AKAP6: variants seen among roughly 807,000 people sequenced by gnomAD.
AKAP6 encodes A-kinase anchor protein 6.
Under a neutral mutation model 188.5 loss-of-function variants are expected in AKAP6, and 58 were observed. The ratio of observed to expected loss-of-function variants is 0.31; its 90% CI spans 0.25 to 0.38. AKAP6 has a LOEUF of 0.38. AKAP6 is among the 10% of genes least tolerant of loss of function. AKAP6 has a pLI of 1.00. For missense variants in AKAP6, 2,710 were observed against 2,740.0 expected, an observed-to-expected ratio of 0.99 and a Z score of 0.24; for synonymous variants, 989 against 998.6, an observed-to-expected ratio of 0.99 and a Z score of 0.18.
intron 7 of AKAP6, among the ~76,000 whole-genome samples, chr14:32,608,086 T>C (rs1886197038): frequency 6.6e-6 from 1 of 152,178 alleles, no homozygotes; most frequent in Admixed American, 6.6e-5. Flanking sequence ...GATGTATGGG[T>C]GGATCTAAGA....
chr14:32,601,842 C>T (rs1364654861), intron 7 of AKAP6, among the ~76,000 whole-genome samples: 5 of 152,190 alleles, frequency 3.3e-5, no homozygotes, highest in Non-Finnish European at 7.3e-5. Context: ...ACCCATCCAG[C>T]CCTGCAATGT....
chr14:32,727,161 A>G (rs1404357536), intron 9 of AKAP6, among the ~76,000 whole-genome samples: 1 of 152,330 alleles, frequency 6.6e-6, no homozygotes, highest in East Asian at 1.9e-4. Flanking sequence ...AACTTACTAA[A>G]TTTTACCTAT....
intron 3 of AKAP6, among the ~76,000 whole-genome samples, chr14:32,541,250 C>G (rs536695455): frequency 2.0e-5 from 3 of 151,840 alleles, no homozygotes; most frequent in African/African-American, 7.2e-5. Context: ...CTTTTCTAAA[C>G]CAGGAACTGG....
In AKAP6 at chr14:32,398,780, TTCTCTCTCTCTC is replaced by T. The variant is rs55959454; in HGVS notation, c.-34-34667_-34-34656del. Among the ~76,000 whole-genome samples, 7 of 131,292 alleles carry T rather than the reference TTCTCTCTCTCTC, an allele frequency of 5.3e-5. No homozygotes were observed. The South Asian group carries it at 7.8e-4, about 15-fold the overall frequency. 86.1% of individuals were successfully genotyped at this position (131,292 alleles called of 152,430 possible). A position where few individuals can be genotyped will look rare whatever the true frequency, so the allele number is the denominator to read the frequency against. On this transcript the variant is annotated intron_variant, in intron 1 of 13. Transcript: ENST00000280979. Reference sequence around the variant, plus strand: ...TGTTTGCCCTTTTCTTTCTTTTCTTTTCTCTCTCTCTCTCTCTCTCTCTCCCCCTCCCCCTCT... The same window carrying T: ...TGTTTGCCCTTTTCTTTCTTTTCTTTTCTCTCTCTCTCCCCCTCCCCCTCT...
chr14:32,440,297 A>C (rs138255200), intron 2 of AKAP6, among the ~76,000 whole-genome samples: 1 of 132,448 alleles, frequency 7.6e-6, no homozygotes, highest in African/African-American at 2.9e-5. Context: ...ACTTGGACAC[A>C]GGGTGGGGAA....
intron 8 of AKAP6, among the ~76,000 whole-genome samples, chr14:32,685,230 C>T (rs976858571): frequency 1.3e-5 from 2 of 151,868 alleles, no homozygotes; most frequent in African/African-American, 4.8e-5. Flanking sequence ...TGCCACTGCA[C>T]TCCAACCTGG....
chr14:32,814,662 G>A (rs546856717), intron 12 of AKAP6, among the ~76,000 whole-genome samples: 13 of 152,170 alleles, frequency 8.5e-5, no homozygotes, highest in Non-Finnish European at 1.9e-4. Context: ...CCCTTCAACA[G>A]TTCTTGAGAC....
At chr14:32,723,310 G>A (rs1375921646) in intron 9 of AKAP6, among the ~76,000 whole-genome samples, 1 of 152,142 alleles carries the variant, frequency 6.6e-6, no homozygotes, top group Non-Finnish European at 1.5e-5. Flanking sequence ...GTAGTGGGGT[G>A]AAATGGGGTG....
At chr14:32,552,562 G>C (rs1883523550) in intron 4 of AKAP6, among the ~76,000 whole-genome samples, 1 of 152,168 alleles carries the variant, frequency 6.6e-6, no homozygotes, top group Non-Finnish European at 1.5e-5. Flanking sequence ...CTTTAGATTT[G>C]TTTGAAATAA....
At chr14:32,806,132 G>A (rs1379752058) in intron 12 of AKAP6, among the ~76,000 whole-genome samples, 1 of 152,186 alleles carries the variant, frequency 6.6e-6, no homozygotes, top group Non-Finnish European at 1.5e-5. Context: ...TACCATTTGA[G>A]TGCCTGCCAT....
At chr14:32,618,609 A>G (rs1025745837) in intron 7 of AKAP6, among the ~76,000 whole-genome samples, 1 of 152,168 alleles carries the variant, frequency 6.6e-6, no homozygotes, top group Non-Finnish European at 1.5e-5. Flanking sequence ...ATGGGTACTT[A>G]GGTTGGTTCC....
intron 8 of AKAP6, among the ~76,000 whole-genome samples, chr14:32,695,356 G>C (rs894509146): frequency 6.6e-6 from 1 of 152,092 alleles, no homozygotes; most frequent in Non-Finnish European, 1.5e-5. Context: ...ATAAATGTAG[G>C]ATATATGTTT....
intron 4 of AKAP6, among the ~76,000 whole-genome samples, chr14:32,558,071 G>A (rs1883769024): frequency 6.6e-6 from 1 of 152,052 alleles, no homozygotes; most frequent in Non-Finnish European, 1.5e-5. Flanking sequence ...CAAGAATAAA[G>A]AAAACTAGGA....
At chr14:32,501,199 T>A (rs1230873495) in intron 2 of AKAP6, among the ~76,000 whole-genome samples, 1 of 152,198 alleles carries the variant, frequency 6.6e-6, no homozygotes, top group Admixed American at 6.6e-5. Flanking sequence ...TGTTTTAACA[T>A]GTAATTAATA....
At chr14:32,504,661 C>A (rs890834133) in intron 2 of AKAP6, among the ~76,000 whole-genome samples, 4 of 152,140 alleles carry the variant, frequency 2.6e-5, no homozygotes, top group Non-Finnish European at 5.9e-5. Context: ...ATTGAGTTTT[C>A]CCAAATATAC....
intron 1 of AKAP6, among the ~76,000 whole-genome samples, chr14:32,418,560 T>C (rs757038269): frequency 4.6e-5 from 7 of 152,312 alleles, no homozygotes; most frequent in Admixed American, 1.3e-4. Context: ...CCGTCCCTTA[T>C]ATTCCTGTGA....
At chr14:32,654,348 C>T (rs1031787893) in intron 7 of AKAP6, among the ~76,000 whole-genome samples, 8 of 152,002 alleles carry the variant, frequency 5.3e-5, no homozygotes, top group African/African-American at 1.9e-4. Context: ...TGAGGGCTAC[C>T]CTAGCGGATG....
At chr14:32,607,501 G>A (rs1276105919) in intron 7 of AKAP6, among the ~76,000 whole-genome samples, 1 of 152,154 alleles carries the variant, frequency 6.6e-6, no homozygotes, top group Non-Finnish European at 1.5e-5. Flanking sequence ...GCCAAGGCCT[G>A]GCCATTATTT....
chr14:32,335,595 A>T (rs1162528253), intron 1 of AKAP6, among the ~76,000 whole-genome samples: 1 of 152,168 alleles, frequency 6.6e-6, no homozygotes, highest in Non-Finnish European at 1.5e-5. Context: ...GATATATTAC[A>T]TTATACTTGA....
Sources: allele counts gnomAD v4.1 joint callset (sites outside exome capture counted in the v4.1 genomes callset), GRCh38; gene constraint gnomAD v4.1.1; transcripts MANE v1.5; gene names NCBI Gene and HGNC (gene_info 2026-07-23, HGNC 2026-07-21).